MYLK: variants seen among roughly 807,000 people sequenced by gnomAD.
MYLK encodes myosin light chain kinase, also known as myosin light chain kinase, smooth muscle.
MYLK carries 106 observed loss-of-function variants against 203.4 expected under a neutral mutation model. That is an observed-to-expected ratio of 0.52 (90% CI 0.45 to 0.61). MYLK has a LOEUF of 0.61. Among genes scored for constraint, MYLK ranks in the 20% least tolerant of loss-of-function variants. MYLK has a pLI of 0.00. For synonymous variants in MYLK, 867 were observed against 959.5 expected (o/e 0.90, Z 1.78); for missense variants, 2,072 against 2,442.3 (o/e 0.85, Z 3.20).
intron 7 of MYLK, among the ~76,000 whole-genome samples, chr3:123,738,477 T>C (rs1310074543): frequency 6.6e-6 from 1 of 152,138 alleles, no homozygotes; most frequent in Non-Finnish European, 1.5e-5. Flanking sequence ...GGTCTAACCC[T>C]GAATTTTCAG....
At chr3:123,869,950 C>T (rs1286850951) in intron 2 of MYLK, among the ~76,000 whole-genome samples, 1 of 149,236 alleles carries the variant, frequency 6.7e-6, no homozygotes, top group African/African-American at 2.5e-5. Flanking sequence ...ATTTGTAATG[C>T]CTTGTCACAT....
chr3:123,739,895 C>A, intron 6 of MYLK, 58 bp downstream of exon 6: 1 of 1,588,622 alleles, frequency 6.3e-7, no homozygotes, highest in Non-Finnish European at 8.6e-7. Context: ...ACCTATCCTG[C>A]TCAAGTCAGC....
At chr3:123,735,371 C>T (rs758223961) in intron 9 of MYLK, 27 bp downstream of exon 9, 3 of 1,613,816 alleles carry the variant, frequency 1.9e-6, no homozygotes, top group South Asian at 2.2e-5. Flanking sequence ...AGAGGGAAAA[C>T]GTAAAAGTCA....
At chr3:123,644,234 C>T (rs371319571) in intron 27 of MYLK, among the ~76,000 whole-genome samples, 2 of 152,312 alleles carry the variant, frequency 1.3e-5, no homozygotes, top group East Asian at 1.9e-4. Context: ...GAAAATCATT[C>T]TTTCCCTTCT....
chr3:123,833,067 G>T (rs1381585326), intron 2 of MYLK, among the ~76,000 whole-genome samples: 1 of 152,062 alleles, frequency 6.6e-6, no homozygotes, highest in Non-Finnish European at 1.5e-5. Flanking sequence ...GGATGAGGTG[G>T]AATTCCCACC....
chr3:123,691,680 A>C lies in MYLK; in HGVS notation c.3565+1055T>G, dbSNP rs181552267. ...GAGACGGGCTAGGACTTCAGAACTC[A>C]ACTGATCACACACAGGAGGGAGAAG... On this transcript the variant is annotated intron_variant, in intron 19 of 33. Transcript: ENST00000360304. 5.9e-5 allele frequency: 9 copies of C among 152,384 alleles called. 1 individual carries two copies. In the East Asian group the frequency reaches 1.7e-3, roughly 29 times the overall value. The allele number at this position is 152,384 out of a possible 1,614,324, so 9.4% of individuals were successfully genotyped here. A position where few individuals can be genotyped will look rare whatever the true frequency, so the allele number is the denominator to read the frequency against.
intron 2 of MYLK, among the ~76,000 whole-genome samples, chr3:123,860,785 G>C (rs962089641): frequency 1.3e-5 from 2 of 152,038 alleles, no homozygotes; most frequent in African/African-American, 4.8e-5. Flanking sequence ...GAATATTTTA[G>C]CTGAGCCAGT....
chr3:123,746,216 G>A (rs1037262087), intron 5 of MYLK, among the ~76,000 whole-genome samples: 4 of 152,138 alleles, frequency 2.6e-5, no homozygotes, highest in African/African-American at 9.7e-5. Context: ...CAGGCATGGT[G>A]GTACATGCCT....
In MYLK at chr3:123,629,493, G is replaced by T. The variant is rs2108004424; in HGVS notation, c.5095C>A (p.Leu1699Met). Reference protein sequence around the residue: ...SDDAKDFISNLLKKDMKNRLD... With the variant: ...SDDAKDFISNMLKKDMKNRLD... ...CATTACTTCATATCTTTCTTCAGCA[G>T]ATTGCTGATGAAATCCTTGGCATCG... The change falls in exon 30 of 34, where the codon CTG becomes ATG. Residue 1699 changes from leucine to methionine, a missense_variant. By Grantham distance (15) the Leu-to-Met change is conservative. This residue lies in a region of MYLK where 524 missense variants were observed against 782.4 expected (regional missense o/e 0.67). Transcript: ENST00000360304. This position sits in a 1 kb window ranked among gnomAD's most constrained non-coding sequence, Gnocchi z 4.4. The T allele has an allele frequency of 6.2e-7, 1 of 1,614,200 alleles. No homozygotes were observed. The highest frequency in any genetic ancestry group is 1.7e-5 in the Admixed American group (1 of 60,030).
At chr3:123,834,297 C>A (rs866810201) in intron 2 of MYLK, among the ~76,000 whole-genome samples, 1 of 152,158 alleles carries the variant, frequency 6.6e-6, no homozygotes, top group Admixed American at 6.5e-5. Context: ...CCACATGCCT[C>A]GGCCTCCCAA....
intron 13 of MYLK, among the ~76,000 whole-genome samples, chr3:123,712,735 T>C (rs1274786711): frequency 6.6e-6 from 1 of 152,230 alleles, no homozygotes; most frequent in Non-Finnish European, 1.5e-5. Context: ...TCTGCCTCCG[T>C]CTGAAGCCCC....
At chr3:123,775,362 T>C (rs555162021) in intron 4 of MYLK, among the ~76,000 whole-genome samples, 1 of 152,216 alleles carries the variant, frequency 6.6e-6, no homozygotes, top group Non-Finnish European at 1.5e-5. Context: ...ACAAAACAAA[T>C]GTAAGTTCAG....
rs987718075 is a variant in MYLK at position 123,739,047 on chromosome 3, A to G, written c.438T>C (p.Ala146=). ...VSKTLGDRFS[A]PAVETRPSIW... ...TGCTAGGACGGGTCTCCACTGCTGGAGCTGAAAATCTATCCCTGTAAGGAA... is the reference window on the plus strand; with the variant it reads ...TGCTAGGACGGGTCTCCACTGCTGGGGCTGAAAATCTATCCCTGTAAGGAA... The change falls in exon 7 of 34, where the codon GCT becomes GCC. Residue 146 remains alanine, a synonymous_variant. Transcript: ENST00000360304. 2 of 1,613,824 alleles carry G rather than the reference A, an allele frequency of 1.2e-6. No individual in the cohort carries two copies. Among genetic ancestry groups the G allele is most frequent in the Non-Finnish European group, 8.5e-7 (1 of 1,179,940 alleles).
In MYLK at chr3:123,610,659, C is replaced by G. The variant is rs1435455929; in HGVS notation, c.*3446G>C. 2 of 152,162 alleles carry G rather than the reference C, an allele frequency of 1.3e-5. No individual in the cohort carries two copies. The highest frequency in any genetic ancestry group is 2.4e-5 in the African/African-American group (1 of 41,426). The allele number at this position is 152,162 out of a possible 1,614,324, so 9.4% of individuals were successfully genotyped here. A position where few individuals can be genotyped will look rare whatever the true frequency, so the allele number is the denominator to read the frequency against. On this transcript the variant is annotated 3_prime_UTR_variant, in exon 34 of 34. Transcript: ENST00000360304. ...TGCCACCAACATTAGCCCCCCCTTT[C>G]AAATTACAGGAAGGAGTCCCAAGGG...
intron 18 of MYLK, among the ~76,000 whole-genome samples, chr3:123,699,702 G>C (rs976665150): frequency 6.6e-6 from 1 of 152,208 alleles, no homozygotes; most frequent in Non-Finnish European, 1.5e-5. Context: ...TCTCCTCTGG[G>C]GAGCCACAGG....
intron 27 of MYLK, among the ~76,000 whole-genome samples, chr3:123,643,745 C>T (rs1666179559): frequency 6.6e-6 from 1 of 152,248 alleles, no homozygotes; most frequent in African/African-American, 2.4e-5. Flanking sequence ...ATCCCCCAAA[C>T]CCTAGACCTT....
Position 123,618,788 on chromosome 3 carries a change from A to G in MYLK, c.5369-18T>C. 2 of 1,613,900 alleles carry G rather than the reference A, an allele frequency of 1.2e-6. No individual in the cohort carries two copies. ...CACATCTTCTAGAAGACAGAGAAGA[A>G]GACCAGGTCATTTCTTCACTCGTTG... is the stretch of plus-strand genomic sequence containing the variant. On this transcript the variant is annotated intron_variant, in intron 32 of 33. Transcript: ENST00000360304.
chr3:123,686,945 G>C (rs771764798), intron 19 of MYLK, among the ~76,000 whole-genome samples: 4 of 152,228 alleles, frequency 2.6e-5, no homozygotes, highest in Non-Finnish European at 5.9e-5. Context: ...ATGTGGGCCA[G>C]GCGCGGTAGC....
chr3:123,860,661 G>A lies in MYLK; in HGVS notation c.-127+15898C>T, dbSNP rs138466665. ...GAGCCCAAGATGCTGTCACCTTGCC[G>A]TGGATCGTTAAAGTACTCAGTGTGC... On this transcript the variant is annotated intron_variant, in intron 2 of 33. Coordinates refer to ENST00000360304, the MANE Select transcript of MYLK (RefSeq NM_053025.4). Among the ~76,000 whole-genome samples, 9 of 152,312 alleles carry A rather than the reference G, an allele frequency of 5.9e-5. No homozygotes were observed. The East Asian group carries it at 7.7e-4, about 13-fold the overall frequency.
Sources: gnomAD v4.1 joint callset for allele counts (sites outside exome capture counted in the v4.1 genomes callset) on GRCh38, gnomAD v4.1.1 for gene constraint, gnomAD v4.1.1 regional missense constraint, Gnocchi (gnomAD v3.1) non-coding constraint, MANE v1.5 for transcripts, NCBI Gene and HGNC (gene_info 2026-07-23, HGNC 2026-07-21) for gene names.